CORIN: variants seen among roughly 807,000 people sequenced by gnomAD.
CORIN encodes corin, serine peptidase, also known as atrial natriuretic peptide-converting enzyme.
In CORIN, 117 loss-of-function variants were observed where a neutral mutation model predicts 125.3. The observed-to-expected ratio is 0.93, with a 90% CI of 0.80 to 1.09. The LOEUF (loss-of-function observed/expected upper bound fraction) is 1.09, where lower values mean the gene tolerates loss of function less well. Among genes scored for constraint, CORIN ranks in the 50% least tolerant of loss-of-function variants. The probability of loss-of-function intolerance (pLI) is 0.00; values close to 1 mark genes in which losing one functional copy is unlikely to be tolerated. For missense variants in CORIN, 1,253 were observed against 1,306.7 expected, an observed-to-expected ratio of 0.96 and a Z score of 0.63; for synonymous variants, 450 against 466.4, an observed-to-expected ratio of 0.96 and a Z score of 0.45.
chr4:47,800,410 G>A (rs896466351), intron 2 of CORIN, among the ~76,000 whole-genome samples: 5 of 152,080 alleles, frequency 3.3e-5, no homozygotes, highest in Admixed American at 1.3e-4. Context: ...TAGACCCTGA[G>A]AATGAAAGGA....
chr4:47,739,389 T>C (rs1560527313), intron 5 of CORIN, among the ~76,000 whole-genome samples: 1 of 152,038 alleles, frequency 6.6e-6, no homozygotes, highest in Non-Finnish European at 1.5e-5. Context: ...GGAAGTGGGA[T>C]AACATATTCA....
chr4:47,698,351 A>T (rs1005179883), intron 5 of CORIN, among the ~76,000 whole-genome samples: 1 of 151,818 alleles, frequency 6.6e-6, no homozygotes, highest in African/African-American at 2.4e-5. Flanking sequence ...AACAACTTGA[A>T]AGAGGTGAGG....
At chr4:47,812,979 A>C (rs566233720) in intron 1 of CORIN, among the ~76,000 whole-genome samples, 2 of 152,334 alleles carry the variant, frequency 1.3e-5, no homozygotes, top group African/African-American at 2.4e-5. Context: ...CCACAATTGC[A>C]TACTAATATG....
chr4:47,792,639 C>T (rs1236276655), intron 2 of CORIN, among the ~76,000 whole-genome samples: 1 of 152,346 alleles, frequency 6.6e-6, no homozygotes, highest in East Asian at 1.9e-4. Flanking sequence ...TTCCAGTTCT[C>T]TCTCCTTCTA....
At chr4:47,668,753 A>G (rs1724594429) in intron 10 of CORIN, among the ~76,000 whole-genome samples, 1 of 152,190 alleles carries the variant, frequency 6.6e-6, no homozygotes, top group East Asian at 1.9e-4. Context: ...ATCACTTTTG[A>G]TTTGGGTTAA....
intron 5 of CORIN, among the ~76,000 whole-genome samples, chr4:47,698,505 G>C (rs182844775): frequency 1.3e-5 from 2 of 152,036 alleles, no homozygotes; most frequent in Non-Finnish European, 1.5e-5. Context: ...CCAAGCAGAA[G>C]GGAGGGTCCA....
intron 5 of CORIN, chr4:47,706,603 G>C (rs539547999): frequency 6.2e-7 from 1 of 1,604,468 alleles, no homozygotes; most frequent in African/African-American, 1.3e-5. Context: ...AGTTCCTAAG[G>C]GTGCAACTTA....
chr4:47,674,334 G>T, intron 10 of CORIN, 59 bp downstream of exon 10: 1 of 1,181,414 alleles, frequency 8.5e-7, no homozygotes, highest in Non-Finnish European at 1.3e-6. Context: ...CAATGCAGAA[G>T]AAAAATGCTG....
At chr4:47,765,297 C>T (rs902237618) in intron 3 of CORIN, among the ~76,000 whole-genome samples, 14 of 149,132 alleles carry the variant, frequency 9.4e-5, no homozygotes, top group African/African-American at 3.5e-4. Context: ...GGCGACAGAG[C>T]GAGACTCCGT....
In CORIN at chr4:47,595,880, A is replaced by G; in HGVS notation, c.2970T>C (p.Val990=). The change falls in exon 22 of 22, where the codon GTT becomes GTC. Residue 990 remains valine (V), a synonymous_variant. Transcript: ENST00000273857. ...TCCACCGTCCTCCAGGCTTCTCACA[A>G]ACAAGAGGCCCACCGCTGTCACCCT... ...SCMGDSGGPL[V]CEKPGGRWTL... 1 of 1,610,878 alleles carries G rather than the reference A, an allele frequency of 6.2e-7. No homozygotes were observed. The highest frequency in any genetic ancestry group is 8.5e-7 in the Non-Finnish European group (1 of 1,179,124).
At chr4:47,658,373 C>T (rs1724087297) in intron 12 of CORIN, among the ~76,000 whole-genome samples, 1 of 152,252 alleles carries the variant, frequency 6.6e-6, no homozygotes, top group Admixed American at 6.5e-5. Context: ...TGGCTACTTT[C>T]ACAGGTTGTT....
chr4:47,653,414 T>C, intron 13 of CORIN, 139 bp downstream of exon 13: 1 of 695,360 alleles, frequency 1.4e-6, no homozygotes, highest in Non-Finnish European at 2.5e-6. Context: ...GCCATACTGT[T>C]CAATAATTTA....
At chr4:47,604,258 A>G (rs1184833527) in intron 19 of CORIN, among the ~76,000 whole-genome samples, 1 of 152,044 alleles carries the variant, frequency 6.6e-6, no homozygotes, top group East Asian at 1.9e-4. Context: ...AATCTCATGG[A>G]CCTTTCCCTC....
intron 2 of CORIN, among the ~76,000 whole-genome samples, chr4:47,789,706 C>T (rs1360940267): frequency 6.6e-6 from 1 of 152,044 alleles, no homozygotes; most frequent in Non-Finnish European, 1.5e-5. Context: ...ATGCTTTCAA[C>T]CTGTATCATG....
intron 6 of CORIN, among the ~76,000 whole-genome samples, chr4:47,690,283 A>T (rs1725709526): frequency 6.6e-6 from 1 of 152,212 alleles, no homozygotes; most frequent in South Asian, 2.1e-4. Flanking sequence ...ATTTTGAACC[A>T]TTTAAGACTG....
At chr4:47,790,591 G>A (rs1482926175) in intron 2 of CORIN, among the ~76,000 whole-genome samples, 1 of 152,130 alleles carries the variant, frequency 6.6e-6, no homozygotes, top group Non-Finnish European at 1.5e-5. Context: ...ACAACATTGG[G>A]ATCAAATCAG....
chr4:47,783,938 C>T (rs61764285), intron 3 of CORIN, among the ~76,000 whole-genome samples: 15 of 151,944 alleles, frequency 9.9e-5, no homozygotes, highest in East Asian at 5.8e-4. Flanking sequence ...AATAATGTTA[C>T]GGCAAAGAAA....
intron 21 of CORIN, among the ~76,000 whole-genome samples, chr4:47,596,442 G>A (rs2109494897): frequency 6.6e-6 from 1 of 152,080 alleles, no homozygotes; most frequent in East Asian, 1.9e-4. Flanking sequence ...TTTTAATTTG[G>A]CATAGTTGAA....
chr4:47,668,755 T>A (rs998481865), intron 10 of CORIN, among the ~76,000 whole-genome samples: 1 of 152,214 alleles, frequency 6.6e-6, no homozygotes, highest in African/African-American at 2.4e-5. Context: ...CACTTTTGAT[T>A]TGGGTTAAGA....
Sources: gnomAD v4.1 joint callset for allele counts (sites outside exome capture counted in the v4.1 genomes callset) on GRCh38, gnomAD v4.1.1 for gene constraint, MANE v1.5 for transcripts, NCBI Gene and HGNC (gene_info 2026-07-23, HGNC 2026-07-21) for gene names.